Variants in BEGAIN observed in about 807,000 individuals in gnomAD.
BEGAIN encodes the protein brain-enriched guanylate kinase-associated protein.
In BEGAIN, 19 loss-of-function variants were observed where a neutral mutation model predicts 35.8. That is an observed-to-expected ratio of 0.53 (90% CI 0.37 to 0.78). BEGAIN has a LOEUF of 0.78. Ranked by LOEUF, BEGAIN falls within the 30% of genes least tolerant of loss-of-function variation. The pLI, the probability that BEGAIN is intolerant of heterozygous loss-of-function variation, is 0.00. For synonymous variants in BEGAIN, 462 were observed against 388.6 expected (o/e 1.19, Z -2.22); for missense variants, 795 against 853.6 (o/e 0.93, Z 0.85).
At position 100,543,930 on chromosome 14, in the gene BEGAIN, G is replaced by A; in HGVS notation, c.336C>T (p.Ser112=). 6.2e-7 allele frequency: 1 copy of A among 1,612,988 alleles called. No individual in the cohort carries two copies. The highest frequency in any genetic ancestry group is 8.5e-7 in the Non-Finnish European group (1 of 1,179,654). The change falls in exon 5 of 7, where the codon AGC becomes AGT. Residue 112 remains serine, a synonymous_variant. Transcript: ENST00000554140. ...QHYEEEKRAL[S]HEIVALNSHL... is the part of the protein sequence containing the mutation. ...GGCTGTTGAGGGCAACAATCTCGTG[G>A]CTCAGCGCACGCTTCTCCTCCTCAT...
chr14:100,576,941 G>C (rs958432408), intron 1 of BEGAIN, among the ~76,000 whole-genome samples: 22 of 152,272 alleles, frequency 1.4e-4, no homozygotes, highest in Admixed American at 5.2e-4. Context: ...CATATAATTG[G>C]GGCAGCTATG....
rs1364329327 is a variant in BEGAIN, at chr14:100,543,903, A to G, written c.363T>C (p.His121=). Residue 121 remains histidine (H), a synonymous_variant, in exon 5 of 7, where the codon CAT becomes CAC. Transcript: ENST00000554140. ...LSHEIVALNS[H]LLEAKVTIDK... ...CGATGGTCACCTTGGCTTCTAGCAG[A>G]TGGCTGTTGAGGGCAACAATCTCGT... is the stretch of plus-strand genomic sequence containing the variant. 5.6e-6 allele frequency: 9 copies of G among 1,613,628 alleles called. No individual in the cohort carries two copies. Among genetic ancestry groups the G allele is most frequent in the Non-Finnish European group, 7.6e-6 (9 of 1,179,884 alleles).
chr14:100,540,418 T>A, intron 6 of BEGAIN, 78 bp downstream of exon 6: 3 of 1,103,424 alleles, frequency 2.7e-6, no homozygotes, highest in Non-Finnish European at 4.0e-6. Flanking sequence ...AGATGGGAAA[T>A]GGCTTTGGGG....
In BEGAIN at chr14:100,567,998, C is replaced by A; in HGVS notation, c.43-59G>T. ...GGAGGCGTGCGCTCCGCGGCCGCGC[C>A]GGGCAGAGCCGGGCACAGCGGGCAC... is the stretch of plus-strand genomic sequence containing the variant. On this transcript the variant is annotated intron_variant, in intron 1 of 6. Coordinates refer to ENST00000554140, the MANE Select transcript of BEGAIN (RefSeq NM_001385089.1). This position sits in a 1 kb window ranked among gnomAD's most constrained non-coding sequence, Gnocchi z 5.1. The A allele has an allele frequency of 2.2e-6, 3 of 1,357,960 alleles. No homozygotes were observed. The highest frequency in any genetic ancestry group is 2.9e-6 in the Non-Finnish European group (3 of 1,036,482). 84.1% of individuals were successfully genotyped at this position (1,357,960 alleles called of 1,614,324 possible).
intron 5 of BEGAIN, among the ~76,000 whole-genome samples, chr14:100,542,236 T>C (rs1316234832): frequency 6.6e-6 from 1 of 152,172 alleles, no homozygotes; most frequent in Non-Finnish European, 1.5e-5. Context: ...CCAATGCCTC[T>C]CCTTGGCCCT....
At chr14:100,541,815 G>A (rs981795663) in intron 5 of BEGAIN, among the ~76,000 whole-genome samples, 1 of 152,216 alleles carries the variant, frequency 6.6e-6, no homozygotes, top group East Asian at 1.9e-4. Context: ...GGGACAGCTG[G>A]GAGCCTTTCC....
At chr14:100,550,214 A>C (rs1386561098) in intron 2 of BEGAIN, among the ~76,000 whole-genome samples, 1 of 150,904 alleles carries the variant, frequency 6.6e-6, no homozygotes, top group Non-Finnish European at 1.5e-5. Flanking sequence ...CCTTCTGGCC[A>C]CTTGCAGGGG....
rs2034901841 is a variant in BEGAIN at position 100,568,369 on chromosome 14, C to G, written c.43-430G>C. ...CTCCCTCCCGGAGGAAGCCGAACCC[C>G]GGAATCGCAGAACCTCCGAGTCGGA... On this transcript the variant is annotated intron_variant, in intron 1 of 6. Transcript: ENST00000554140. The surrounding 1 kb of genome is among the most constrained non-coding windows in gnomAD (Gnocchi z 7.5). 7.6e-6 allele frequency: 9 copies of G among 1,191,682 alleles called. No individual in the cohort carries two copies. Among genetic ancestry groups the G allele is most frequent in the Non-Finnish European group, 9.9e-6 (9 of 911,282 alleles). The allele number at this position is 1,191,682 out of a possible 1,614,324, so 73.8% of individuals were successfully genotyped here. A position where few individuals can be genotyped will look rare whatever the true frequency, so the allele number is the denominator to read the frequency against.
At chr14:100,559,833 G>A (rs1317763320) in intron 2 of BEGAIN, among the ~76,000 whole-genome samples, 1 of 152,212 alleles carries the variant, frequency 6.6e-6, no homozygotes, top group African/African-American at 2.4e-5. Context: ...TCACACTCAA[G>A]AGGCAAGACC....
chr14:100,538,341 G>C lies in BEGAIN; in HGVS notation c.1467C>G (p.Ser489Arg), dbSNP rs375595986. ...ADGRASPLYA[S>R]YKADSFSEGD... Reference sequence around the variant, plus strand: ...CCTCGGAGAAGCTGTCGGCCTTGTAGCTGGCGTAGAGCGGGCTGGCGCGGC... The same window carrying C: ...CCTCGGAGAAGCTGTCGGCCTTGTACCTGGCGTAGAGCGGGCTGGCGCGGC... Residue 489 changes from serine to arginine, a missense_variant, in exon 7 of 7, where the codon AGC (serine) becomes AGG (arginine). By Grantham distance (110) the Ser-to-Arg change is moderately radical. Coordinates refer to ENST00000554140, the MANE Select transcript of BEGAIN (RefSeq NM_001385089.1). 2.0e-6 allele frequency: 3 copies of C among 1,519,080 alleles called. No individual in the cohort carries two copies. In the African/African-American group the frequency reaches 4.2e-5, roughly 21 times the overall value. The allele number at this position is 1,519,080 out of a possible 1,614,324, so 94.1% of individuals were successfully genotyped here. A position where few individuals can be genotyped will look rare whatever the true frequency, so the allele number is the denominator to read the frequency against.
At chr14:100,582,295 C>T (rs1248580433) in intron 1 of BEGAIN, among the ~76,000 whole-genome samples, 1 of 152,194 alleles carries the variant, frequency 6.6e-6, no homozygotes, top group Non-Finnish European at 1.5e-5. Context: ...CAGGCACGCA[C>T]CACCATGCCC....
In BEGAIN at chr14:100,568,940, G is replaced by T; in HGVS notation, c.43-1001C>A. On this transcript the variant is annotated intron_variant, in intron 1 of 6. Coordinates refer to ENST00000554140, the MANE Select transcript of BEGAIN (RefSeq NM_001385089.1). The surrounding 1 kb of genome is among the most constrained non-coding windows in gnomAD (Gnocchi z 7.5). ...CTGCCCATCCCGGCCCCTCGCGCCG[G>T]GCGCCGCCGCCGCGTCCGCCGGGAG... is the stretch of plus-strand genomic sequence containing the variant. 2.0e-6 allele frequency: 2 copies of T among 983,482 alleles called. No homozygotes were observed. Among genetic ancestry groups the T allele is most frequent in the Non-Finnish European group, 2.4e-6 (2 of 829,362 alleles). 60.9% of individuals were successfully genotyped at this position (983,482 alleles called of 1,614,324 possible). A position where few individuals can be genotyped will look rare whatever the true frequency, so the allele number is the denominator to read the frequency against.
chr14:100,586,376 T>C lies in BEGAIN; in HGVS notation c.42+873A>G, dbSNP rs778507316. On this transcript the variant is annotated intron_variant, in intron 1 of 6. Coordinates refer to ENST00000554140, the MANE Select transcript of BEGAIN (RefSeq NM_001385089.1). This position sits in a 1 kb window ranked among gnomAD's most constrained non-coding sequence, Gnocchi z 4.9. ...CGGCCGACCTTGGCCATGCGGACTTTGCACGTGCAGTGCTCCCTATCCATC... is the reference window on the plus strand; with the variant it reads ...CGGCCGACCTTGGCCATGCGGACTTCGCACGTGCAGTGCTCCCTATCCATC... Among the ~76,000 whole-genome samples the C allele has an allele frequency of 1.7e-4, 26 of 152,206 alleles. No individual in the cohort carries two copies. The highest frequency in any genetic ancestry group is 3.4e-4 in the Non-Finnish European group (23 of 68,032).
At position 100,537,870 on chromosome 14, in the gene BEGAIN, G is replaced by C. The variant is rs1029584686; in HGVS notation, c.*99C>G. On this transcript the variant is annotated 3_prime_UTR_variant, in exon 7 of 7. Transcript: ENST00000554140. Reference sequence around the variant, plus strand: ...GAACAGACTCCTCGTTGTTGGCCGGGGCAGGGGAACAGCGGGGGCTGGGGA... The same window carrying C: ...GAACAGACTCCTCGTTGTTGGCCGGCGCAGGGGAACAGCGGGGGCTGGGGA... 7.6e-6 allele frequency: 11 copies of C among 1,452,510 alleles called. No individual in the cohort carries two copies. Among genetic ancestry groups the C allele is most frequent in the South Asian group, 2.8e-5 (2 of 72,120 alleles). The allele number at this position is 1,452,510 out of a possible 1,614,324, so 90.0% of individuals were successfully genotyped here. A position where few individuals can be genotyped will look rare whatever the true frequency, so the allele number is the denominator to read the frequency against.
intron 2 of BEGAIN, among the ~76,000 whole-genome samples, chr14:100,559,437 C>T (rs1309167111): frequency 4.6e-5 from 7 of 152,328 alleles, no homozygotes; most frequent in East Asian, 1.9e-4. Flanking sequence ...TAGCCAGGAA[C>T]GAGCTCCTCG....
At chr14:100,577,765 C>T (rs545269955) in intron 1 of BEGAIN, 11 of 399,150 alleles carry the variant, frequency 2.8e-5, no homozygotes, top group South Asian at 1.3e-4. Flanking sequence ...AGCTGCCCAG[C>T]GGTGGCAAGA....
intron 1 of BEGAIN, among the ~76,000 whole-genome samples, chr14:100,584,711 T>C (rs891665697): frequency 6.6e-6 from 1 of 151,942 alleles, no homozygotes; most frequent in Non-Finnish European, 1.5e-5. Flanking sequence ...CTGTAATGGG[T>C]GTTAAGCTTC....
chr14:100,546,826 A>C, intron 2 of BEGAIN, 164 bp from the exon 3 acceptor site: 1 of 545,656 alleles, frequency 1.8e-6, no homozygotes, highest in Non-Finnish European at 2.9e-6. Flanking sequence ...ACACACACCC[A>C]GCCTCCCGGG....
Position 100,538,412 on chromosome 14 carries a change from G to C in BEGAIN, c.1396C>G (p.Arg466Gly). 1 of 1,578,872 alleles carries C rather than the reference G, an allele frequency of 6.3e-7. No individual in the cohort carries two copies. Among genetic ancestry groups the C allele is most frequent in the Non-Finnish European group, 8.6e-7 (1 of 1,166,338 alleles). ...GRASPCSFSE[R>G]YYGGAGGSPG... The stretch of plus-strand genomic sequence containing the variant: ...CTGCCCCCGGCCCCGCCGTAGTAGC[G>C]TTCAGAGAAGCTGCAGGGTGAGGCG... The change falls in exon 7 of 7, where the codon CGC (arginine) becomes GGC (glycine). Residue 466 changes from arginine to glycine, a missense_variant. Arg to Gly is a moderately radical substitution (Grantham distance 125, BLOSUM62 -2). Around this residue, in one of 3 missense-constraint regions of BEGAIN, gnomAD observed 664 missense variants for 647.7 expected, o/e 1.03. Transcript: ENST00000554140.
Sources: allele counts gnomAD v4.1 joint callset (sites outside exome capture counted in the v4.1 genomes callset), GRCh38; gene constraint gnomAD v4.1.1; regional missense constraint gnomAD v4.1.1; non-coding constraint Gnocchi (gnomAD v3.1); transcripts MANE v1.5; gene names NCBI Gene and HGNC (gene_info 2026-07-23, HGNC 2026-07-21).